The following RNF130 variants were observed in gnomAD, a reference collection of about 807,000 sequenced individuals.
The protein encoded by RNF130 is ring finger protein 130.
RNF130 carries 21 observed loss-of-function variants against 44.6 expected under a neutral mutation model. The ratio of observed to expected loss-of-function variants is 0.47; its 90% CI spans 0.33 to 0.68. The LOEUF (loss-of-function observed/expected upper bound fraction) is 0.68, where lower values mean the gene tolerates loss of function less well. Ranked by LOEUF, RNF130 falls within the 30% of genes least tolerant of loss-of-function variation. The pLI, the probability that RNF130 is intolerant of heterozygous loss-of-function variation, is 0.02. For synonymous variants in RNF130, 214 were observed against 210.4 expected, an observed-to-expected ratio of 1.02 and a Z score of -0.15; for missense variants, 479 against 560.6, an observed-to-expected ratio of 0.85 and a Z score of 1.47.
At chr5:179,997,572 C>A (rs1763234057) in intron 3 of RNF130, among the ~76,000 whole-genome samples, 1 of 152,004 alleles carries the variant, frequency 6.6e-6, no homozygotes, top group Admixed American at 6.6e-5. Flanking sequence ...TCGTGATCTG[C>A]CTGCTTCGGT....
chr5:180,007,202 A>G (rs955325698), intron 3 of RNF130, among the ~76,000 whole-genome samples: 1 of 152,048 alleles, frequency 6.6e-6, no homozygotes, highest in African/African-American at 2.4e-5. Flanking sequence ...GGAGTTTGAG[A>G]CCAGCCTGGC....
chr5:179,928,785 C>T (rs955752348), intron 7 of RNF130, among the ~76,000 whole-genome samples: 7 of 152,000 alleles, frequency 4.6e-5, no homozygotes, highest in East Asian at 3.9e-4. Context: ...CCCACCACCA[C>T]GCCTGGCTAA....
intron 1 of RNF130, among the ~76,000 whole-genome samples, chr5:180,063,994 G>A (rs775092980): frequency 6.6e-6 from 1 of 152,200 alleles, no homozygotes; most frequent in South Asian, 2.1e-4. Flanking sequence ...ATCACACTGT[G>A]CCCAATTCCA....
intron 1 of RNF130, among the ~76,000 whole-genome samples, chr5:180,062,857 C>T (rs567973299): frequency 1.3e-5 from 2 of 152,270 alleles, no homozygotes; most frequent in South Asian, 4.1e-4. Context: ...CAATCTGTCC[C>T]GTTAACTGGC....
At chr5:179,919,843 A>T (rs1761602226) in exon 8 of RNF130, 1 of 153,686 alleles carries the variant, frequency 6.5e-6, no homozygotes, top group Non-Finnish European at 1.4e-5. Flanking sequence ...GAAGTAGAAT[A>T]AGCGAGAGGG....
intron 1 of RNF130, among the ~76,000 whole-genome samples, chr5:180,042,404 T>C (rs551924531): frequency 1.2e-4 from 18 of 152,334 alleles, no homozygotes; most frequent in Admixed American, 4.6e-4. Context: ...AAAAGGTTTC[T>C]GCACTCTGAA....
chr5:179,944,785 G>A (rs1298774447), intron 7 of RNF130, among the ~76,000 whole-genome samples: 1 of 152,064 alleles, frequency 6.6e-6, no homozygotes, highest in Non-Finnish European at 1.5e-5. Flanking sequence ...CATGGAGTAG[G>A]GCTACAGGGG....
At chr5:179,923,600 T>C (rs1761663749) in intron 7 of RNF130, among the ~76,000 whole-genome samples, 1 of 152,204 alleles carries the variant, frequency 6.6e-6, no homozygotes, top group African/African-American at 2.4e-5. Context: ...TGGCCAACAG[T>C]GCAAAGCGTG....
intron 2 of RNF130, among the ~76,000 whole-genome samples, chr5:180,027,299 AGAAG>A (rs1764013824): frequency 6.6e-6 from 1 of 152,158 alleles, no homozygotes. Flanking sequence ...CTACAGGGTG[AGAAG>A]GGTTATCTGT....
intron 2 of RNF130, among the ~76,000 whole-genome samples, chr5:180,021,386 T>C (rs1763870619): frequency 2.6e-5 from 4 of 152,046 alleles, no homozygotes; most frequent in Admixed American, 2.6e-4. Context: ...ATGTATAAAA[T>C]ACCATCAACC....
rs1762748230 is a variant in RNF130, at chr5:179,977,799, C to T, written c.848+404G>A. 6.6e-6 allele frequency among the ~76,000 whole-genome samples: 1 copy of T among 152,200 alleles called. No individual in the cohort carries two copies. Among genetic ancestry groups the T allele is most frequent in the Non-Finnish European group, 1.5e-5 (1 of 68,026 alleles). ...CCCAGGAGGCGGAGCTTGCAGTGAG[C>T]CGAGATTGCGCCACTGCACACTCCA... On this transcript the variant is annotated intron_variant, in intron 5 of 8. Coordinates refer to ENST00000521389, the MANE Select transcript of RNF130 (RefSeq NM_018434.6). The surrounding 1 kb of genome is among the most constrained non-coding windows in gnomAD (Gnocchi z 4.1).
intron 2 of RNF130, among the ~76,000 whole-genome samples, chr5:180,031,395 G>T (rs542355387): frequency 6.6e-6 from 1 of 152,260 alleles, no homozygotes; most frequent in African/African-American, 2.4e-5. Context: ...GCTGAGGCAG[G>T]AGAATTGCTT....
chr5:179,941,440 G>T (rs1174646892), intron 7 of RNF130, among the ~76,000 whole-genome samples: 1 of 152,182 alleles, frequency 6.6e-6, no homozygotes, highest in Admixed American at 6.5e-5. Context: ...CCAGGCTGTA[G>T]CCCTTTGGGG....
chr5:179,924,376 TC>T (rs1364640518), intron 7 of RNF130, among the ~76,000 whole-genome samples: 2 of 151,336 alleles, frequency 1.3e-5, no homozygotes, highest in Non-Finnish European at 2.9e-5. Context: ...ATGGCTGTAA[TC>T]CCAGCTACTC....
chr5:179,945,920 C>CA (rs1762030545), intron 7 of RNF130, among the ~76,000 whole-genome samples: 1 of 7,386 alleles, frequency 1.4e-4, no homozygotes, highest in African/African-American at 5.0e-4. Context: ...AAGGCGGGGG[C>CA]AGGGATATTT....
intron 5 of RNF130, among the ~76,000 whole-genome samples, chr5:179,973,218 C>G (rs1762625711): frequency 6.6e-6 from 1 of 152,182 alleles, no homozygotes; most frequent in Non-Finnish European, 1.5e-5. Flanking sequence ...CTCAAATTCC[C>G]ATGGCACATC....
At chr5:180,061,002 C>T (rs1764972290) in intron 1 of RNF130, among the ~76,000 whole-genome samples, 1 of 126,010 alleles carries the variant, frequency 7.9e-6, no homozygotes, top group Admixed American at 1.0e-4. Context: ...CCCGGGGGGG[C>T]GGAGCCTGCA....
At chr5:179,985,379 G>C (rs1424933302) in intron 3 of RNF130, among the ~76,000 whole-genome samples, 1 of 151,856 alleles carries the variant, frequency 6.6e-6, no homozygotes, top group Non-Finnish European at 1.5e-5. Context: ...CTATTCTACA[G>C]CATTAAATGC....
intron 2 of RNF130, among the ~76,000 whole-genome samples, chr5:180,039,412 T>G (rs560166284): frequency 1.3e-5 from 2 of 152,236 alleles, no homozygotes; most frequent in Admixed American, 1.3e-4. Context: ...AATTTTTTTA[T>G]TTTTAGTAGA....
Sources: allele counts gnomAD v4.1 joint callset (sites outside exome capture counted in the v4.1 genomes callset), GRCh38; gene constraint gnomAD v4.1.1; non-coding constraint Gnocchi (gnomAD v3.1); transcripts MANE v1.5; gene names NCBI Gene and HGNC (gene_info 2026-07-23, HGNC 2026-07-21).